The following SENP1 variants were observed in gnomAD, a reference collection of about 807,000 sequenced individuals.
SENP1 encodes sentrin-specific protease 1.
In SENP1, 21 loss-of-function variants were observed where a neutral mutation model predicts 93.0. The observed-to-expected ratio is 0.23, with a 90% CI of 0.16 to 0.33. The LOEUF (loss-of-function observed/expected upper bound fraction) is 0.33, where lower values mean the gene tolerates loss of function less well. Among genes scored for constraint, SENP1 ranks in the 10% least tolerant of loss-of-function variants. The pLI, the probability that SENP1 is intolerant of heterozygous loss-of-function variation, is 1.00. For synonymous variants in SENP1, 256 were observed against 259.6 expected (o/e 0.99, Z 0.13); for missense variants, 591 against 758.7 (o/e 0.78, Z 2.60).
chr12:48,076,217 T>A (rs565357853), intron 6 of SENP1, among the ~76,000 whole-genome samples: 7 of 152,376 alleles, frequency 4.6e-5, no homozygotes, highest in African/African-American at 1.7e-4. Flanking sequence ...TTAAACATTA[T>A]GTCAGTGTTA....
intron 6 of SENP1, among the ~76,000 whole-genome samples, chr12:48,079,085 G>T (rs139176084): frequency 8.3e-4 from 126 of 152,250 alleles, no homozygotes; most frequent in African/African-American, 3.0e-3. Flanking sequence ...AGGAAGTTGA[G>T]GCGGCAGTGA....
chr12:48,098,410 T>G (rs7295580), intron 2 of SENP1, among the ~76,000 whole-genome samples: 1 of 151,826 alleles, frequency 6.6e-6, no homozygotes, highest in Non-Finnish European at 1.5e-5. Context: ...TTTGGGAGGT[T>G]GAGGCGGGTG....
At chr12:48,056,244 TAATA>T (rs1315316308) in intron 13 of SENP1, among the ~76,000 whole-genome samples, 1 of 117,748 alleles carries the variant, frequency 8.5e-6, no homozygotes, top group African/African-American at 3.4e-5. Context: ...ATTTTACATA[TAATA>T]TATATTTTAT....
At chr12:48,087,671 A>T (rs1944972339) in intron 5 of SENP1, among the ~76,000 whole-genome samples, 1 of 152,176 alleles carries the variant, frequency 6.6e-6, no homozygotes, top group Non-Finnish European at 1.5e-5. Context: ...CTACAATGTG[A>T]GTGTATGAGT....
intron 8 of SENP1, among the ~76,000 whole-genome samples, chr12:48,073,805 C>T (rs1943883081): frequency 6.6e-6 from 1 of 152,154 alleles, no homozygotes; most frequent in Admixed American, 6.5e-5. Flanking sequence ...GTCATAGAAA[C>T]AGAGAAAGTG....
intron 13 of SENP1, among the ~76,000 whole-genome samples, chr12:48,054,123 A>C (rs1184994730): frequency 6.6e-6 from 1 of 152,128 alleles, no homozygotes; most frequent in Non-Finnish European, 1.5e-5. Context: ...CTGGTGTACA[A>C]ACATTTGGGT....
At chr12:48,105,635 A>T (rs1456330289) in intron 1 of SENP1, 1 of 432,708 alleles carries the variant, frequency 2.3e-6, no homozygotes, top group Non-Finnish European at 4.4e-6. Context: ...CAGAAAGCCG[A>T]GCTTCCCGGT....
Position 48,065,224 on chromosome 12 carries a change from A to C in SENP1, c.1120-4T>G, listed in dbSNP as rs1418552733. ...AATGTTCCCGCTCCTGCAATCTCTG[A>C]AAGATAAAACTTCAGAGTAAGTGGG... On this transcript the variant is annotated splice_polypyrimidine_tract_variant and splice_region_variant and intron_variant, in intron 11 of 17. Transcript: ENST00000549518. 7 of 1,581,910 alleles carry C rather than the reference A, an allele frequency of 4.4e-6. No homozygotes were observed. The highest frequency in any genetic ancestry group is 4.0e-5 in the African/African-American group (3 of 74,278).
chr12:48,091,327 G>A (rs779438825), intron 4 of SENP1, among the ~76,000 whole-genome samples: 2 of 151,986 alleles, frequency 1.3e-5, no homozygotes, highest in African/African-American at 4.8e-5. Context: ...GCACACGTCT[G>A]TCGTCCCAGT....
At chr12:48,065,704 C>A in intron 10 of SENP1, 24 bp from the exon 11 acceptor site, 1 of 1,432,562 alleles carries the variant, frequency 7.0e-7, no homozygotes, top group Non-Finnish European at 9.6e-7. Context: ...AGGAACGTGA[C>A]CAAATGTAGA....
At chr12:48,081,252 T>C (rs1474630144) in intron 6 of SENP1, 1 of 152,090 alleles carries the variant, frequency 6.6e-6, no homozygotes, top group Non-Finnish European at 1.5e-5. Context: ...TAATTATTTA[T>C]GCATAAAATA....
intron 9 of SENP1, among the ~76,000 whole-genome samples, chr12:48,067,736 C>T (rs933539130): frequency 6.6e-5 from 10 of 151,948 alleles, no homozygotes; most frequent in South Asian, 2.1e-4. Context: ...TGCTTTAGGA[C>T]GCTGAGGTGG....
chr12:48,077,152 G>A (rs1944151036), intron 6 of SENP1, among the ~76,000 whole-genome samples: 1 of 152,166 alleles, frequency 6.6e-6, no homozygotes, highest in African/African-American at 2.4e-5. Context: ...TCTTGGTATT[G>A]AGTTGAGCTC....
At chr12:48,097,265 A>G (rs973398) in intron 3 of SENP1, among the ~76,000 whole-genome samples, 107,781 of 152,032 alleles carry the variant, frequency 0.71, 39,159 homozygotes, top group East Asian at 0.99. Context: ...AGGTGGTGCT[A>G]TACCCTGAGT....
intron 17 of SENP1, 146 bp downstream of exon 17, chr12:48,046,210 T>C: frequency 1.7e-6 from 1 of 581,770 alleles, no homozygotes; most frequent in South Asian, 2.7e-5. Flanking sequence ...ATTCAGGTAG[T>C]AACCATCAGT....
chr12:48,060,160 C>G (rs561987102), intron 13 of SENP1, among the ~76,000 whole-genome samples: 13 of 152,302 alleles, frequency 8.5e-5, no homozygotes, highest in Non-Finnish European at 1.6e-4. Context: ...CTGCCTGGTA[C>G]TACCTGTTAT....
At position 48,105,802 on chromosome 12, in the gene SENP1, C is replaced by A. The variant is rs1946507876; in HGVS notation, c.-45+226G>T. ...CCCAGGAGAGAGAGACCAGAAGGAA[C>A]GGCCTCAGGTAGCCTAACGGCCACC... is the stretch of plus-strand genomic sequence containing the variant. On this transcript the variant is annotated intron_variant, in intron 1 of 17. Transcript: ENST00000549518. The A allele has an allele frequency of 5.1e-6, 3 of 588,378 alleles. No homozygotes were observed. In the South Asian group the frequency reaches 6.0e-5, roughly 12 times the overall value. The allele number at this position is 588,378 out of a possible 1,614,324, so 36.4% of individuals were successfully genotyped here.
At chr12:48,089,193 C>T in intron 4 of SENP1, 1 of 1,509,088 alleles carries the variant, frequency 6.6e-7, no homozygotes, top group South Asian at 1.1e-5. Context: ...TGAATCCTGC[C>T]ACAGCCATGT....
rs1321910155 is a variant in SENP1 at position 48,071,799 on chromosome 12, C to T, written c.941-78G>A. On this transcript the variant is annotated intron_variant, in intron 8 of 17. Coordinates refer to ENST00000549518, the MANE Select transcript of SENP1 (RefSeq NM_001267594.2). ...TTTCTAGATATCTTAGTTTAAGTTC[C>T]CATACTTTGCTATATTTTATTTCCA... 7.6e-6 allele frequency: 7 copies of T among 920,614 alleles called. No individual in the cohort carries two copies. In the African/African-American group the frequency reaches 1.0e-4, roughly 13 times the overall value. The allele number at this position is 920,614 out of a possible 1,614,324, so 57.0% of individuals were successfully genotyped here. A position where few individuals can be genotyped will look rare whatever the true frequency, so the allele number is the denominator to read the frequency against.
Sources: allele counts gnomAD v4.1 joint callset (sites outside exome capture counted in the v4.1 genomes callset), GRCh38; gene constraint gnomAD v4.1.1; transcripts MANE v1.5; gene names NCBI Gene and HGNC (gene_info 2026-07-23, HGNC 2026-07-21).